The following GTF2A1L variants were observed in gnomAD, a reference collection of about 807,000 sequenced individuals.
The protein encoded by GTF2A1L is TFIIA-alpha and beta-like factor.
GTF2A1L carries 48 observed loss-of-function variants against 49.7 expected under a neutral mutation model. The ratio of observed to expected loss-of-function variants is 0.97; its 90% CI spans 0.77 to 1.23. The LOEUF is 1.23. Ranked by LOEUF, GTF2A1L falls within the 50% of genes most tolerant of loss-of-function variation. GTF2A1L has a pLI of 0.00. For synonymous variants in GTF2A1L, 246 were observed against 193.5 expected, an observed-to-expected ratio of 1.27 and a Z score of -2.25; for missense variants, 736 against 564.8, an observed-to-expected ratio of 1.30 and a Z score of -3.07.
intron 6 of GTF2A1L, among the ~76,000 whole-genome samples, chr2:48,667,115 A>ATTTTTTTTTTTTTTTTTT (rs57507576): frequency 7.0e-6 from 1 of 142,886 alleles, no homozygotes. Flanking sequence ...CTCCCAGCTA[A>ATTTTTTTTTTTTTTTTTT]TTTTTTTTTT....
At chr2:48,651,436 CTTTT>C (rs397984530) in intron 6 of GTF2A1L, among the ~76,000 whole-genome samples, 6,865 of 130,860 alleles carry the variant, frequency 0.052, 521 homozygotes, top group African/African-American at 0.17. Flanking sequence ...GTTGTGAGTT[CTTTT>C]TTTTTTTTTT....
At chr2:48,637,928 A>G (rs939129145) in intron 3 of GTF2A1L, among the ~76,000 whole-genome samples, 1 of 152,192 alleles carries the variant, frequency 6.6e-6, no homozygotes, top group African/African-American at 2.4e-5. Flanking sequence ...AAAAATAACC[A>G]TCAGAAACTA....
intron 3 of GTF2A1L, among the ~76,000 whole-genome samples, chr2:48,627,515 A>C (rs1364048715): frequency 7.0e-6 from 1 of 143,858 alleles, no homozygotes; most frequent in Non-Finnish European, 1.6e-5. Flanking sequence ...GGTTGATATG[A>C]ATTTTCCAAA....
intron 3 of GTF2A1L, among the ~76,000 whole-genome samples, chr2:48,630,339 G>A (rs1318334935): frequency 1.4e-5 from 2 of 143,608 alleles, no homozygotes; most frequent in Admixed American, 7.1e-5. Context: ...TCCCTTCCTT[G>A]AGTAGATGCG....
At chr2:48,658,983 A>T (rs2104261928) in intron 6 of GTF2A1L, among the ~76,000 whole-genome samples, 1 of 152,162 alleles carries the variant, frequency 6.6e-6, no homozygotes, top group Middle Eastern at 3.4e-3. Context: ...GTTGGTTGGA[A>T]TTTCTTTCCT....
intron 6 of GTF2A1L, among the ~76,000 whole-genome samples, chr2:48,661,211 C>T (rs1489615865): frequency 7.0e-6 from 1 of 143,208 alleles, no homozygotes; most frequent in Non-Finnish European, 1.5e-5. Flanking sequence ...AGCACTTATA[C>T]ATGTCCCTCC....
At position 48,646,773 on chromosome 2, in the gene GTF2A1L, G is replaced by T; in HGVS notation, c.709G>T (p.Glu237Ter). 6.2e-7 allele frequency: 1 copy of T among 1,614,170 alleles called. No individual in the cohort carries two copies. The highest frequency in any genetic ancestry group is 8.5e-7 in the Non-Finnish European group (1 of 1,180,038). The change falls in exon 6 of 9, where the codon GAA (glutamate) becomes TAA (stop). Residue 237 changes from glutamate (E) to a stop codon, truncating the protein, a stop_gained. Transcript: ENST00000403751. LOFTEE classifies it high-confidence loss of function. ...IVPEALLCHQESSHYISLPGV... is the reference protein window; with the variant it reads ...IVPEALLCHQ Reference sequence around the variant, plus strand: ...GCCTGAAGCTTTGTTGTGTCATCAGGAAAGTTCTCACTATATCAGTCTTCC... The same window carrying T: ...GCCTGAAGCTTTGTTGTGTCATCAGTAAAGTTCTCACTATATCAGTCTTCC...
chr2:48,638,911 C>T lies in GTF2A1L; in HGVS notation c.248-3491C>T, dbSNP rs1240327328. ...AAAATCAATGTACAAAAATCACTAA[C>T]ATTCCTATACACCAACAATAGCCAA... On this transcript the variant is annotated intron_variant, in intron 3 of 8. Transcript: ENST00000403751. Among the ~76,000 whole-genome samples, 5 of 152,204 alleles carry T rather than the reference C, an allele frequency of 3.3e-5. No individual in the cohort carries two copies. In the East Asian group the frequency reaches 9.7e-4, roughly 29 times the overall value.
chr2:48,670,948 T>A (rs1679133959), intron 7 of GTF2A1L, among the ~76,000 whole-genome samples: 1 of 151,930 alleles, frequency 6.6e-6, no homozygotes, highest in Non-Finnish European at 1.5e-5. Context: ...CTCAGCCTCC[T>A]GAGTAGCTAG....
intron 2 of GTF2A1L, 62 bp from the exon 3 acceptor site, chr2:48,621,104 AG>A: frequency 6.5e-7 from 1 of 1,542,972 alleles, no homozygotes; most frequent in Non-Finnish European, 8.7e-7. Context: ...ACTGAAAAAA[AG>A]AGAAGTATCA....
At chr2:48,658,945 G>A (rs1443804447) in intron 6 of GTF2A1L, among the ~76,000 whole-genome samples, 2 of 151,980 alleles carry the variant, frequency 1.3e-5, no homozygotes, top group Non-Finnish European at 1.5e-5. Flanking sequence ...CTTAACTTAT[G>A]AAGCTTAGTT....
chr2:48,639,182 C>T (rs1363933240), intron 3 of GTF2A1L, among the ~76,000 whole-genome samples: 1 of 152,120 alleles, frequency 6.6e-6, no homozygotes, highest in African/African-American at 2.4e-5. Context: ...AAATTCTTCA[C>T]AGAGCTGGAA....
chr2:48,671,078 T>A (rs551236600), intron 7 of GTF2A1L, among the ~76,000 whole-genome samples: 36 of 152,236 alleles, frequency 2.4e-4, no homozygotes, highest in African/African-American at 8.7e-4. Context: ...TGCCTTGGCC[T>A]TTCAAAGTGC....
rs60667688 is a variant in GTF2A1L at position 48,624,762 on chromosome 2, GT to G, written c.247+3484del. 3.7e-4 allele frequency among the ~76,000 whole-genome samples: 51 copies of G among 137,816 alleles called. 7 individuals carry two copies. The highest frequency in any genetic ancestry group is 1.0e-3 in the South Asian group (4 of 3,968). The allele number at this position is 137,816 out of a possible 152,430, so 90.4% of individuals were successfully genotyped here. The stretch of plus-strand genomic sequence containing the variant: ...TTTATTCTCTATGTCTGTATTTGTG[GT>G]TTTTTTTTTTTAACATATAAATGAG... On this transcript the variant is annotated intron_variant, in intron 3 of 8. Coordinates refer to ENST00000403751, the MANE Select transcript of GTF2A1L (RefSeq NM_006872.5).
At chr2:48,619,061 T>A (rs1323355800) in intron 1 of GTF2A1L, among the ~76,000 whole-genome samples, 2 of 152,208 alleles carry the variant, frequency 1.3e-5, no homozygotes, top group African/African-American at 4.8e-5. Flanking sequence ...TTTAGGGGCA[T>A]TTAGTCTTAA....
chr2:48,639,577 AC>A (rs1677091615), intron 3 of GTF2A1L, among the ~76,000 whole-genome samples: 1 of 152,212 alleles, frequency 6.6e-6, no homozygotes, highest in African/African-American at 2.4e-5. Context: ...TAAATATAAA[AC>A]CCCAAACTGT....
At chr2:48,670,039 A>G in intron 7 of GTF2A1L, 57 bp downstream of exon 7, 1 of 1,540,580 alleles carries the variant, frequency 6.5e-7, no homozygotes. Flanking sequence ...TTTCTACTTT[A>G]TTATGCCTTG....
chr2:48,649,993 G>A (rs6745333), intron 6 of GTF2A1L, among the ~76,000 whole-genome samples: 7,166 of 151,958 alleles, frequency 0.047, 560 homozygotes, highest in African/African-American at 0.16. Flanking sequence ...CTTTCCTCTG[G>A]TTAATTCCTG....
chr2:48,629,076 A>T (rs943161960), intron 3 of GTF2A1L, among the ~76,000 whole-genome samples: 2 of 142,890 alleles, frequency 1.4e-5, no homozygotes, highest in Non-Finnish European at 3.1e-5. Context: ...ACCTGTCTTT[A>T]CTAAAAATAC....
Sources: allele counts gnomAD v4.1 joint callset (sites outside exome capture counted in the v4.1 genomes callset), GRCh38; gene constraint gnomAD v4.1.1; transcripts MANE v1.5; gene names NCBI Gene and HGNC (gene_info 2026-07-23, HGNC 2026-07-21).